Variants in SLC4A10 observed in about 807,000 individuals in gnomAD.
SLC4A10 encodes solute carrier family 4 member 10, also known as sodium-driven chloride bicarbonate exchanger.
In SLC4A10, 42 loss-of-function variants were observed where a neutral mutation model predicts 137.7. That is an observed-to-expected ratio of 0.30 (90% confidence interval 0.24 to 0.39). The LOEUF (loss-of-function observed/expected upper bound fraction) is 0.39, where lower values mean the gene tolerates loss of function less well. Ranked by LOEUF, SLC4A10 falls within the 10% of genes least tolerant of loss-of-function variation. SLC4A10 has a pLI of 1.00. For missense variants in SLC4A10, 925 were observed against 1,355.0 expected (o/e 0.68, Z 4.98); for synonymous variants, 474 against 464.1 (o/e 1.02, Z -0.27).
chr2:161,711,627 C>G (rs1014848571), intron 1 of SLC4A10, among the ~76,000 whole-genome samples: 1 of 151,730 alleles, frequency 6.6e-6, no homozygotes, highest in Non-Finnish European at 1.5e-5. Context: ...AACTGGAACA[C>G]GCTGCCTGAT....
chr2:161,908,144 A>G (rs1189039771), intron 15 of SLC4A10, among the ~76,000 whole-genome samples: 2 of 152,136 alleles, frequency 1.3e-5, no homozygotes, highest in Non-Finnish European at 2.9e-5. Flanking sequence ...AAATAAATAA[A>G]TAAAAATAAG....
intron 21 of SLC4A10, among the ~76,000 whole-genome samples, chr2:161,963,403 C>T (rs980013936): frequency 3.9e-5 from 6 of 151,986 alleles, no homozygotes; most frequent in Middle Eastern, 3.4e-3. Flanking sequence ...ATATAAATGA[C>T]GTGACAGTGC....
In SLC4A10 at chr2:161,930,305, C is replaced by G. The variant is rs563534825; in HGVS notation, c.1998-12487C>G. 2.6e-5 allele frequency among the ~76,000 whole-genome samples: 4 copies of G among 152,048 alleles called. No homozygotes were observed. In the South Asian group the frequency reaches 8.3e-4, roughly 31 times the overall value. ...GTTTCTTCATTTTCTTTAAACAGAA[C>G]AAAAATCTCTCCTACCACTCAAAGG... On this transcript the variant is annotated intron_variant, in intron 15 of 26. Coordinates refer to ENST00000446997, the MANE Select transcript of SLC4A10 (RefSeq NM_001178015.2).
intron 1 of SLC4A10, among the ~76,000 whole-genome samples, chr2:161,765,372 C>A (rs1223693939): frequency 6.6e-6 from 1 of 152,030 alleles, no homozygotes. Context: ...TTTGGGAAGC[C>A]AAGATAGGCG....
At chr2:161,870,369 G>T (rs889435482) in intron 6 of SLC4A10, among the ~76,000 whole-genome samples, 46 of 151,658 alleles carry the variant, frequency 3.0e-4, no homozygotes, top group Admixed American at 2.6e-3. Context: ...TTTGCACTGG[G>T]TTGACTTTTG....
At chr2:161,980,040 AGCCTCT>A (rs562111124) in intron 26 of SLC4A10, among the ~76,000 whole-genome samples, 118 of 152,324 alleles carry the variant, frequency 7.7e-4, no homozygotes, top group Middle Eastern at 6.8e-3. Context: ...ATGTGACAAG[AGCCTCT>A]GCAGCTTATT....
intron 3 of SLC4A10, among the ~76,000 whole-genome samples, chr2:161,825,607 C>G (rs1157949839): frequency 6.6e-6 from 1 of 152,178 alleles, no homozygotes; most frequent in South Asian, 2.1e-4. Flanking sequence ...CCGCTCCCCT[C>G]TCATGTGTGT....
intron 1 of SLC4A10, among the ~76,000 whole-genome samples, chr2:161,651,841 T>C (rs924966244): frequency 2.0e-5 from 3 of 152,050 alleles, no homozygotes; most frequent in Non-Finnish European, 4.4e-5. Context: ...AGGTGTGGGA[T>C]CCAGGCTGGT....
chr2:161,865,865 CAG>C (rs1468883486), intron 6 of SLC4A10, among the ~76,000 whole-genome samples: 1 of 151,674 alleles, frequency 6.6e-6, no homozygotes, highest in Non-Finnish European at 1.5e-5. Context: ...TGCAATAGTT[CAG>C]AGAGATGCAA....
intron 22 of SLC4A10, among the ~76,000 whole-genome samples, 188 bp from the exon 23 acceptor site, chr2:161,964,863 G>T (rs1318600487): frequency 6.6e-6 from 1 of 151,996 alleles, no homozygotes; most frequent in East Asian, 1.9e-4. Context: ...TCATTATTGT[G>T]GTGATGTAGT....
intron 1 of SLC4A10, among the ~76,000 whole-genome samples, chr2:161,682,137 A>G (rs1050391644): frequency 1.4e-4 from 21 of 152,160 alleles, no homozygotes; most frequent in African/African-American, 4.3e-4. Context: ...CCCACCAAAT[A>G]CTTTTTGGGA....
Position 161,863,021 on chromosome 2 carries a change from T to A in SLC4A10, c.725T>A (p.Ile242Asn), listed in dbSNP as rs1299615928. The A allele has an allele frequency of 6.2e-7, 1 of 1,613,940 alleles. No homozygotes were observed. The highest frequency in any genetic ancestry group is 1.3e-5 in the African/African-American group (1 of 75,052). Reference sequence around the variant, plus strand: ...CCCATTGTTCGTTCCTTTGCTGATATTGGCAAGAAACAGTCAGAACCAAAT... The same window carrying A: ...CCCATTGTTCGTTCCTTTGCTGATAATGGCAAGAAACAGTCAGAACCAAAT... ...RIPIVRSFAD[I>N]GKKQSEPNSM... The change falls in exon 6 of 27, where the codon ATT becomes AAT. Residue 242 changes from isoleucine to asparagine, a missense_variant. Ile to Asn is a moderately radical substitution (Grantham distance 149, BLOSUM62 -3). This residue lies in a region of SLC4A10 where 277 missense variants were observed against 306.1 expected (regional missense o/e 0.90). Transcript: ENST00000446997.
intron 1 of SLC4A10, among the ~76,000 whole-genome samples, chr2:161,734,091 T>C (rs1251902873): frequency 6.6e-6 from 1 of 152,218 alleles, no homozygotes; most frequent in Admixed American, 6.5e-5. Context: ...GGTGAAACTT[T>C]GGACTGTGGA....
intron 1 of SLC4A10, among the ~76,000 whole-genome samples, chr2:161,633,319 T>G (rs1310105931): frequency 6.6e-6 from 1 of 151,774 alleles, no homozygotes. Flanking sequence ...AGCAGCTTAT[T>G]TTAGATAATT....
chr2:161,686,081 T>C (rs572884750), intron 1 of SLC4A10, among the ~76,000 whole-genome samples: 1 of 152,242 alleles, frequency 6.6e-6, no homozygotes, highest in African/African-American at 2.4e-5. Flanking sequence ...GCTGAGTTGC[T>C]TAAAGTTCCA....
intron 1 of SLC4A10, among the ~76,000 whole-genome samples, chr2:161,638,213 A>G (rs1366130939): frequency 6.6e-6 from 1 of 152,114 alleles, no homozygotes; most frequent in Non-Finnish European, 1.5e-5. Context: ...CCAGACCAAT[A>G]TCATGAAGCA....
In SLC4A10 at chr2:161,836,538, AAGAAAGAAAG is replaced by A. The variant is rs1559358986; in HGVS notation, c.278-3249_278-3240del. On this transcript the variant is annotated intron_variant, in intron 3 of 26. Coordinates refer to ENST00000446997, the MANE Select transcript of SLC4A10 (RefSeq NM_001178015.2). ...AAAGAAAGAGAGAGAGAGAGAAAGA[AAGAAAGAAAG>A]AAAGAAAGAAAGAAAGAAAGAAAGA... Among the ~76,000 whole-genome samples the A allele has an allele frequency of 7.9e-3, 83 of 10,570 alleles. 4 individuals carry two copies. The highest frequency in any genetic ancestry group is 0.014 in the African/African-American group (81 of 5,762). 6.9% of individuals were successfully genotyped at this position (10,570 alleles called of 152,430 possible).
intron 10 of SLC4A10, among the ~76,000 whole-genome samples, chr2:161,892,939 A>C (rs2063070205): frequency 6.6e-6 from 1 of 152,086 alleles, no homozygotes; most frequent in Non-Finnish European, 1.5e-5. Context: ...AACAATAAGG[A>C]TTTATTTCTA....
chr2:161,903,494 C>T (rs141509998), intron 12 of SLC4A10, among the ~76,000 whole-genome samples: 37 of 152,076 alleles, frequency 2.4e-4, no homozygotes, highest in African/African-American at 7.7e-4. Flanking sequence ...GTTTTTTGGC[C>T]GAGAGAGTAG....
Sources: allele counts gnomAD v4.1 joint callset (sites outside exome capture counted in the v4.1 genomes callset), GRCh38; gene constraint gnomAD v4.1.1; regional missense constraint gnomAD v4.1.1; transcripts MANE v1.5; gene names NCBI Gene and HGNC (gene_info 2026-07-23, HGNC 2026-07-21).